The following LRRC74B variants were observed in gnomAD, a reference collection of about 807,000 sequenced individuals.
LRRC74B encodes the protein leucine rich repeat containing 74B.
A neutral mutation model predicts 16.6 loss-of-function variants in LRRC74B; 30 were observed. The ratio of observed to expected loss-of-function variants is 1.80; its 90% CI spans 1.35 to 2.45. LRRC74B has a LOEUF of 2.45. Among genes scored for constraint, LRRC74B ranks in the 30% most tolerant of loss-of-function variants. The pLI is 0.00. For missense variants in LRRC74B, 326 were observed against 202.4 expected (o/e 1.61, Z -3.71); for synonymous variants, 134 against 86.0 (o/e 1.56, Z -3.09).
At chr22:21,062,529 A>G (rs1469865612), downstream of LRRC74B, 10 of 151,958 alleles carry the variant, frequency 6.6e-5, no homozygotes, top group Admixed American at 5.9e-4. Context: ...CCTGGCTAAC[A>G]TGGTGAAACC....
chr22:21,048,256 G>T, intron 3 of LRRC74B: 1 of 512,854 alleles, frequency 1.9e-6, no homozygotes, highest in Non-Finnish European at 3.6e-6. Context: ...TCCCTTGCTG[G>T]CCAGCATCCC....
At chr22:21,062,521 T>G (rs1930855189), downstream of LRRC74B, 2 of 151,988 alleles carry the variant, frequency 1.3e-5, no homozygotes, top group South Asian at 4.2e-4. Flanking sequence ...GAGACCATCC[T>G]GGCTAACATG....
In LRRC74B at chr22:21,052,148, C is replaced by A. The variant is rs1004374679; in HGVS notation, c.623-101C>A. On this transcript the variant is annotated intron_variant, in intron 4 of 8. Transcript: ENST00000442047. ...GCCCACATTAGTTTCATGTCTGTGACCCTCCTGCCCAGCAGAGGCTCGGCA... is the reference window on the plus strand; with the variant it reads ...GCCCACATTAGTTTCATGTCTGTGAACCTCCTGCCCAGCAGAGGCTCGGCA... 36 of 687,204 alleles carry A rather than the reference C, an allele frequency of 5.2e-5. No individual in the cohort carries two copies. In the African/African-American group the frequency reaches 6.0e-4, roughly 11 times the overall value. The allele number at this position is 687,204 out of a possible 1,614,324, so 42.6% of individuals were successfully genotyped here. A position where few individuals can be genotyped will look rare whatever the true frequency, so the allele number is the denominator to read the frequency against.
chr22:21,047,867 TGCTCTGTCTGTCCCAGGGCGCCCGG>T lies in LRRC74B; in HGVS notation c.283-10_297del. The stretch of plus-strand genomic sequence containing the variant: ...GAGCCAGGATAGTGGCCAGTGTGTT[TGCTCTGTCTGTCCCAGGGCGCCCGG>T]GCTCTGGCTTCCTCATTGAGCTCCA... On this transcript the variant is annotated splice_acceptor_variant and splice_polypyrimidine_tract_variant and coding_sequence_variant and intron_variant, in exon 3 of 9. Coordinates refer to ENST00000442047, the Ensembl canonical transcript of LRRC74B. LOFTEE classifies it high-confidence loss of function. 1 of 716,998 alleles carries T rather than the reference TGCTCTGTCTGTCCCAGGGCGCCCGG, an allele frequency of 1.4e-6. No individual in the cohort carries two copies. Among genetic ancestry groups the T allele is most frequent in the South Asian group, 1.5e-5 (1 of 67,564 alleles). 44.4% of individuals were successfully genotyped at this position (716,998 alleles called of 1,614,324 possible). A position where few individuals can be genotyped will look rare whatever the true frequency, so the allele number is the denominator to read the frequency against.
intron 4 of LRRC74B, among the ~76,000 whole-genome samples, chr22:21,049,984 TA>T (rs1424344338): frequency 6.6e-6 from 1 of 152,128 alleles, no homozygotes; most frequent in Non-Finnish European, 1.5e-5. Flanking sequence ...ACCAAACTCT[TA>T]GGGGAATGCT....
At chr22:21,049,955 C>G (rs1371020270) in intron 4 of LRRC74B, among the ~76,000 whole-genome samples, 3 of 152,180 alleles carry the variant, frequency 2.0e-5, no homozygotes, top group Admixed American at 1.3e-4. Flanking sequence ...CATGCAGATG[C>G]TGACCCTGGA....
At chr22:21,048,954 T>C in exon 4 of LRRC74B, 1 of 716,198 alleles carries the variant, frequency 1.4e-6, no homozygotes. Flanking sequence ...CCCCCAGATG[T>C]GGACCTGTCG....
intron 8 of LRRC74B, among the ~76,000 whole-genome samples, chr22:21,057,887 A>ATT (rs4051931): frequency 1.8e-4 from 22 of 122,102 alleles, no homozygotes; most frequent in Non-Finnish European, 2.8e-4. Context: ...GTCAATTTTG[A>ATT]TTTTTTTTTT....
At chr22:21,060,683 T>C (rs1930768769), downstream of LRRC74B, 5 of 561,726 alleles carry the variant, frequency 8.9e-6, no homozygotes, top group East Asian at 1.4e-4. Flanking sequence ...ACCTGTACCC[T>C]CCTCTGTGCC....
rs187636803 is a variant in LRRC74B, at chr22:21,058,198, C to T, written c.1023+998C>T. On this transcript the variant is annotated intron_variant, in intron 8 of 8. Transcript: ENST00000442047. ...TACAGGCATGATCCATTGCGCCTGG[C>T]GAATTTTGATTTTTTTAATGTAGAA... Among the ~76,000 whole-genome samples the T allele has an allele frequency of 1.6e-3, 236 of 151,900 alleles. 1 individual carries two copies. Among genetic ancestry groups the T allele is most frequent in the East Asian group, 0.012 (64 of 5,166 alleles).
intron 1 of LRRC74B, among the ~76,000 whole-genome samples, chr22:21,046,584 C>T (rs1929455690): frequency 6.6e-6 from 1 of 152,036 alleles, no homozygotes; most frequent in Admixed American, 6.6e-5. Flanking sequence ...CTACTACAAA[C>T]AACATTGGGT....
chr22:21,057,953 T>C (rs1404669711), intron 8 of LRRC74B, among the ~76,000 whole-genome samples: 2 of 151,600 alleles, frequency 1.3e-5, no homozygotes, highest in Non-Finnish European at 2.9e-5. Context: ...TGGTGCTATA[T>C]TGGCTCTCTG....
chr22:21,049,158 G>T lies in LRRC74B; in HGVS notation c.622+1G>T, dbSNP rs748876129. 1.4e-6 allele frequency: 1 copy of T among 715,826 alleles called. No homozygotes were observed. The highest frequency in any genetic ancestry group is 2.6e-6 in the Non-Finnish European group (1 of 384,458). 44.3% of individuals were successfully genotyped at this position (715,826 alleles called of 1,614,324 possible). On this transcript the variant is annotated splice_donor_variant, in intron 4 of 8. Coordinates refer to ENST00000442047, the Ensembl canonical transcript of LRRC74B. LOFTEE classifies it high-confidence loss of function. ...TACAACCAGCTGAATGACCAAGCAG[G>T]TAACGCCTGCGCAGGGCACCATGGC...
exon 5 of LRRC74B, chr22:21,052,272 G>C: frequency 1.4e-6 from 1 of 717,532 alleles, no homozygotes; most frequent in East Asian, 2.7e-5. Context: ...ACCAGCCCTG[G>C]CAGAAAACAC....
chr22:21,046,458 A>G (rs892255450), intron 1 of LRRC74B, among the ~76,000 whole-genome samples: 7 of 150,048 alleles, frequency 4.7e-5, no homozygotes, highest in Non-Finnish European at 8.9e-5. Flanking sequence ...GTGGCCTGCA[A>G]TCCAGGTTAA....
intron 8 of LRRC74B, among the ~76,000 whole-genome samples, chr22:21,057,517 A>G (rs1407103529): frequency 6.6e-6 from 1 of 150,492 alleles, no homozygotes; most frequent in Non-Finnish European, 1.5e-5. Context: ...AGCACCTGCA[A>G]GGCTGCCCTC....
At chr22:21,057,265 A>G in intron 8 of LRRC74B, 65 bp downstream of exon 8, 1 of 693,460 alleles carries the variant, frequency 1.4e-6, no homozygotes, top group Non-Finnish European at 2.7e-6. Context: ...TCATAATTTT[A>G]GAAGAAGAAA....
intron 2 of LRRC74B, among the ~76,000 whole-genome samples, 156 bp downstream of exon 2, chr22:21,047,654 G>A (rs1389010400): frequency 6.6e-6 from 1 of 152,212 alleles, no homozygotes; most frequent in African/African-American, 2.4e-5. Flanking sequence ...ATGGGATTGA[G>A]GCTGTGACAG....
intron 1 of LRRC74B, 35 bp downstream of exon 1, chr22:21,046,160 C>T (rs1385806041): frequency 2.8e-6 from 2 of 713,650 alleles, no homozygotes; most frequent in Non-Finnish European, 5.2e-6. Context: ...GACTCCTCCC[C>T]TTTGGGGGTC....
Sources: allele counts gnomAD v4.1 joint callset (sites outside exome capture counted in the v4.1 genomes callset), GRCh38; gene constraint gnomAD v4.1.1; transcripts MANE v1.5; gene names NCBI Gene and HGNC (gene_info 2026-07-23, HGNC 2026-07-21).